CHST10: variants seen among roughly 807,000 people sequenced by gnomAD.
CHST10 encodes carbohydrate sulfotransferase 10, also known as HNK-1 sulfotransferase.
In CHST10, 24 loss-of-function variants were observed where a neutral mutation model predicts 34.7. That is an observed-to-expected ratio of 0.69 (90% CI 0.50 to 0.97). CHST10 has a LOEUF of 0.97. CHST10 is among the 50% of genes least tolerant of loss of function. CHST10 has a pLI of 0.00. For synonymous variants in CHST10, 161 were observed against 169.3 expected (o/e 0.95, Z 0.38); for missense variants, 402 against 452.1 (o/e 0.89, Z 1.00).
At chr2:100,412,922 C>A (rs1047159400) in intron 2 of CHST10, among the ~76,000 whole-genome samples, 8 of 152,176 alleles carry the variant, frequency 5.3e-5, no homozygotes, top group Admixed American at 3.3e-4. Context: ...GAAAACAACA[C>A]AAAACTCTGC....
At chr2:100,397,243 T>A (rs1323680409) in intron 5 of CHST10, among the ~76,000 whole-genome samples, 1 of 152,246 alleles carries the variant, frequency 6.6e-6, no homozygotes, top group Admixed American at 6.5e-5. Context: ...TTTAAATAAA[T>A]AGACATCTCT....
intron 4 of CHST10, among the ~76,000 whole-genome samples, chr2:100,399,919 C>T (rs1675257485): frequency 6.6e-6 from 1 of 152,200 alleles, no homozygotes; most frequent in Non-Finnish European, 1.5e-5. Context: ...TGCCCGGGCC[C>T]TCCACCCACC....
chr2:100,405,695 A>G (rs931077584), intron 3 of CHST10, among the ~76,000 whole-genome samples: 4 of 152,196 alleles, frequency 2.6e-5, no homozygotes, highest in Non-Finnish European at 5.9e-5. Context: ...AGCACAGCAA[A>G]GTGCTGTGCT....
chr2:100,395,758 C>A, intron 5 of CHST10, 144 bp from the exon 6 acceptor site: 1 of 546,304 alleles, frequency 1.8e-6, no homozygotes, highest in Non-Finnish European at 3.2e-6. Context: ...AAGTTTAGGT[C>A]TTTGAATTTC....
At chr2:100,407,158 T>C (rs966530574) in intron 2 of CHST10, among the ~76,000 whole-genome samples, 3 of 152,188 alleles carry the variant, frequency 2.0e-5, no homozygotes, top group African/African-American at 7.2e-5. Context: ...AGGAGCTGGC[T>C]GTGTTTAAAA....
At chr2:100,402,793 G>T (rs1021568332) in intron 3 of CHST10, 138 bp from the exon 4 acceptor site, 13 of 667,414 alleles carry the variant, frequency 1.9e-5, no homozygotes, top group Non-Finnish European at 5.1e-6. Context: ...GCCATTCAGC[G>T]GAGGAGGGCA....
At chr2:100,409,276 C>T (rs749768792) in intron 2 of CHST10, among the ~76,000 whole-genome samples, 4 of 152,018 alleles carry the variant, frequency 2.6e-5, no homozygotes. Flanking sequence ...TATGATTTCG[C>T]CCACTGAGCT....
chr2:100,395,727 A>G (rs977246806), intron 5 of CHST10, 113 bp from the exon 6 acceptor site: 6 of 690,252 alleles, frequency 8.7e-6, no homozygotes, highest in Admixed American at 2.5e-5. Flanking sequence ...CGTGTGCATG[A>G]CAAGCCCACC....
intron 1 of CHST10, 190 bp downstream of exon 1, chr2:100,417,184 G>T: frequency 1.6e-6 from 1 of 622,968 alleles, no homozygotes; most frequent in Non-Finnish European, 2.6e-6. Context: ...CCTTCTTATT[G>T]CATAATTAAC....
At chr2:100,415,000 A>G (rs1440172621) in intron 2 of CHST10, 41 bp downstream of exon 2, 1 of 1,250,732 alleles carries the variant, frequency 8.0e-7, no homozygotes, top group Admixed American at 2.4e-5. Flanking sequence ...ACTGAATGGC[A>G]TGCTCAAATA....
At chr2:100,417,060 C>G in intron 1 of CHST10, 1 of 1,304,170 alleles carries the variant, frequency 7.7e-7, no homozygotes, top group Non-Finnish European at 1.0e-6. Context: ...ACCCTTTCTT[C>G]CTCTCTCCAT....
In CHST10 at chr2:100,392,140, T is replaced by G. The variant is rs1262189336; in HGVS notation, c.*1105A>C. Reference sequence around the variant, plus strand: ...GCACTGCTGGAGGCTACCTGGGCGCTGGGTTTTATTGCTGGTGAACTTGGT... The same window carrying G: ...GCACTGCTGGAGGCTACCTGGGCGCGGGGTTTTATTGCTGGTGAACTTGGT... On this transcript the variant is annotated 3_prime_UTR_variant, in exon 7 of 7. Transcript: ENST00000264249. 1 of 152,758 alleles carries G rather than the reference T, an allele frequency of 6.5e-6. No individual in the cohort carries two copies. The highest frequency in any genetic ancestry group is 1.5e-5 in the Non-Finnish European group (1 of 68,126). The allele number at this position is 152,758 out of a possible 1,614,324, so 9.5% of individuals were successfully genotyped here. A position where few individuals can be genotyped will look rare whatever the true frequency, so the allele number is the denominator to read the frequency against.
intron 6 of CHST10, among the ~76,000 whole-genome samples, chr2:100,394,600 T>C (rs1379529892): frequency 6.6e-6 from 1 of 152,130 alleles, no homozygotes; most frequent in African/African-American, 2.4e-5. Flanking sequence ...GGAGGCAAAA[T>C]CCAGCTGGTG....
intron 5 of CHST10, among the ~76,000 whole-genome samples, chr2:100,397,097 C>T (rs1675096785): frequency 1.3e-5 from 2 of 152,164 alleles, no homozygotes; most frequent in Admixed American, 1.3e-4. Flanking sequence ...GCCTTAGGGC[C>T]ACCTACCCAT....
chr2:100,417,133 T>C, intron 1 of CHST10: 2 of 1,102,808 alleles, frequency 1.8e-6, no homozygotes, highest in Non-Finnish European at 2.5e-6. Context: ...GCTCGCACAA[T>C]ATCAATAATT....
chr2:100,401,371 C>G (rs965497484), intron 4 of CHST10, among the ~76,000 whole-genome samples: 3 of 152,152 alleles, frequency 2.0e-5, no homozygotes, highest in Non-Finnish European at 4.4e-5. Flanking sequence ...CACATTCAGG[C>G]GCAGTCTTTT....
In CHST10 at chr2:100,417,660, G is replaced by GCGCCGCCTGCCCGCGCGCGTCCC. The variant is rs1676126542; in HGVS notation, c.-391_-390insGGGACGCGCGCGGGCAGGCGGCG. On this transcript the variant is annotated 5_prime_UTR_variant, in exon 1 of 7. Coordinates refer to ENST00000264249, the MANE Select transcript of CHST10 (RefSeq NM_004854.5). ...CCCCCTCGCGCCTATCCGGCCGTGCGCGCCGCCTGCCCGCGCGCGTCCCCG... is the reference window on the plus strand; with the variant it reads ...CCCCCTCGCGCCTATCCGGCCGTGCGCGCCGCCTGCCCGCGCGCGTCCCCGCCGCCTGCCCGCGCGCGTCCCCG... 1 of 150,686 alleles carries GCGCCGCCTGCCCGCGCGCGTCCC rather than the reference G, an allele frequency of 6.6e-6. No homozygotes were observed. The highest frequency in any genetic ancestry group is 2.4e-5 in the African/African-American group (1 of 41,282). The allele number at this position is 150,686 out of a possible 1,614,324, so 9.3% of individuals were successfully genotyped here.
chr2:100,399,992 C>A (rs112245086), intron 4 of CHST10, among the ~76,000 whole-genome samples: 14 of 152,262 alleles, frequency 9.2e-5, no homozygotes, highest in Non-Finnish European at 2.1e-4. Flanking sequence ...TCTCGTTTAA[C>A]CTCATTTCCT....
At chr2:100,395,432 T>A in intron 6 of CHST10, 77 bp downstream of exon 6, 1 of 1,313,148 alleles carries the variant, frequency 7.6e-7, no homozygotes, top group Non-Finnish European at 1.1e-6. Context: ...AGTACAGAAC[T>A]CAGCCTGGGG....
Sources: gnomAD v4.1 joint callset for allele counts (sites outside exome capture counted in the v4.1 genomes callset) on GRCh38, gnomAD v4.1.1 for gene constraint, MANE v1.5 for transcripts, NCBI Gene and HGNC (gene_info 2026-07-23, HGNC 2026-07-21) for gene names.